SULT4A1: variants seen among roughly 807,000 people sequenced by gnomAD.
SULT4A1 encodes sulfotransferase 4A1.
Under a neutral mutation model 35.2 loss-of-function variants are expected in SULT4A1, and 11 were observed. The ratio of observed to expected loss-of-function variants is 0.31; its 90% CI spans 0.20 to 0.52. The LOEUF is 0.52. Ranked by LOEUF, SULT4A1 falls within the 20% of genes least tolerant of loss-of-function variation. The pLI is 0.97. For synonymous variants in SULT4A1, 152 were observed against 151.8 expected (o/e 1.00, Z -0.01); for missense variants, 271 against 383.7 (o/e 0.71, Z 2.45).
intron 4 of SULT4A1, among the ~76,000 whole-genome samples, chr22:43,835,872 G>A (rs984986138): frequency 2.0e-5 from 3 of 152,228 alleles, no homozygotes; most frequent in African/African-American, 4.8e-5. Context: ...TGAGGAGCAA[G>A]TGCACGGAGT....
chr22:43,832,142 G>T lies in SULT4A1; in HGVS notation c.603+1498C>A, dbSNP rs374076504. Reference sequence around the variant, plus strand: ...TCACAGAGGTCAGCGGCAGGACCAGGGTTCCAACCTGCTTGGGCTACACCT... The same window carrying T: ...TCACAGAGGTCAGCGGCAGGACCAGTGTTCCAACCTGCTTGGGCTACACCT... On this transcript the variant is annotated intron_variant, in intron 5 of 6. Transcript: ENST00000330884. Among the ~76,000 whole-genome samples, 6 of 152,298 alleles carry T rather than the reference G, an allele frequency of 3.9e-5. 1 individual carries two copies. The highest frequency in any genetic ancestry group is 1.4e-4 in the African/African-American group (6 of 41,564).
At chr22:43,841,958 G>T in intron 1 of SULT4A1, 26 bp from the exon 2 acceptor site, 1 of 1,604,158 alleles carries the variant, frequency 6.2e-7, no homozygotes, top group Non-Finnish European at 8.5e-7. Flanking sequence ...CCCAGCGCGG[G>T]GTGCTCAGAG....
At chr22:43,857,689 G>C (rs1242761822) in intron 1 of SULT4A1, among the ~76,000 whole-genome samples, 1 of 152,078 alleles carries the variant, frequency 6.6e-6, no homozygotes, top group Non-Finnish European at 1.5e-5. Context: ...AAACATTGAA[G>C]GCAGCCAGAG....
At chr22:43,838,174 G>A (rs1025905149) in intron 4 of SULT4A1, among the ~76,000 whole-genome samples, 1 of 152,234 alleles carries the variant, frequency 6.6e-6, no homozygotes, top group Non-Finnish European at 1.5e-5. Context: ...AGCGGGGCAA[G>A]AGAGTAAGGA....
chr22:43,846,734 G>C (rs2063479243), intron 1 of SULT4A1, among the ~76,000 whole-genome samples: 1 of 152,262 alleles, frequency 6.6e-6, no homozygotes, highest in Non-Finnish European at 1.5e-5. Flanking sequence ...TATAGAACCA[G>C]GGTGTGGCTG....
chr22:43,840,215 G>C (rs2063414498), intron 2 of SULT4A1, among the ~76,000 whole-genome samples, 190 bp from the exon 3 acceptor site: 2 of 149,824 alleles, frequency 1.3e-5, no homozygotes. Context: ...GGAGGGGTGA[G>C]GCCAGAGGGA....
rs1320435910 is a variant in SULT4A1, at chr22:43,862,457, G to GCGCCCC, written c.-81_-76dup. On this transcript the variant is annotated 5_prime_UTR_variant, in exon 1 of 7. Transcript: ENST00000330884. The stretch of plus-strand genomic sequence containing the variant: ...CGCGCCCGCGCCCGCGCCCGCGCCC[G>GCGCCCC]CGCCCCGCACACGCTCGCGCCCCAC... The GCGCCCC allele has an allele frequency of 1.6e-4, 117 of 747,042 alleles. No homozygotes were observed. Among genetic ancestry groups the GCGCCCC allele is most frequent in the Non-Finnish European group, 1.9e-4 (115 of 620,370 alleles). 46.3% of individuals were successfully genotyped at this position (747,042 alleles called of 1,614,324 possible).
At chr22:43,842,468 T>C (rs1569503926) in intron 1 of SULT4A1, among the ~76,000 whole-genome samples, 1 of 152,164 alleles carries the variant, frequency 6.6e-6, no homozygotes, top group Non-Finnish European at 1.5e-5. Context: ...ATAAAGTCAC[T>C]TGGAAACACA....
chr22:43,839,086 C>G lies in SULT4A1; in HGVS notation c.382-93G>C, dbSNP rs2063402241. 2.0e-6 allele frequency: 3 copies of G among 1,530,852 alleles called. No homozygotes were observed. The South Asian group carries it at 3.5e-5, about 18-fold the overall frequency. The allele number at this position is 1,530,852 out of a possible 1,614,324, so 94.8% of individuals were successfully genotyped here. ...GCCAGCCTCCCTGAACCTGCTGGTGCACCTCACAAACCAACACCTGCTTCC... is the reference window on the plus strand; with the variant it reads ...GCCAGCCTCCCTGAACCTGCTGGTGGACCTCACAAACCAACACCTGCTTCC... On this transcript the variant is annotated intron_variant, in intron 3 of 6. Coordinates refer to ENST00000330884, the MANE Select transcript of SULT4A1 (RefSeq NM_014351.4).
At chr22:43,831,854 G>A (rs1159865525) in intron 5 of SULT4A1, among the ~76,000 whole-genome samples, 1 of 152,250 alleles carries the variant, frequency 6.6e-6, no homozygotes, top group Admixed American at 6.5e-5. Flanking sequence ...AGATGTGACA[G>A]GTAAAAGGCT....
At chr22:43,838,072 A>G (rs918600126) in intron 4 of SULT4A1, among the ~76,000 whole-genome samples, 1 of 152,212 alleles carries the variant, frequency 6.6e-6, no homozygotes, top group African/African-American at 2.4e-5. Flanking sequence ...GACCTCCCAA[A>G]GCCATGGCTG....
intron 1 of SULT4A1, among the ~76,000 whole-genome samples, chr22:43,858,049 CAAAAAAAAAAAAAAAAAAGGA>C (rs1416855062): frequency 1.1e-5 from 1 of 91,766 alleles, no homozygotes; most frequent in Middle Eastern, 8.5e-3. Flanking sequence ...GATCCTGTCT[CAAAAAAAAAAAAAAAAAAGGA>C]AAGAAAGAAA....
intron 1 of SULT4A1, among the ~76,000 whole-genome samples, chr22:43,845,441 C>T (rs2063468343): frequency 6.6e-6 from 1 of 152,220 alleles, no homozygotes; most frequent in African/African-American, 2.4e-5. Context: ...GACAGAGGCT[C>T]AGGCCGGATG....
intron 1 of SULT4A1, among the ~76,000 whole-genome samples, chr22:43,849,914 T>G (rs1187930457): frequency 6.6e-6 from 1 of 152,210 alleles, no homozygotes; most frequent in East Asian, 1.9e-4. Flanking sequence ...CCCCAGGTGC[T>G]GCTGCGGGGC....
At chr22:43,833,876 A>G in intron 4 of SULT4A1, 142 bp from the exon 5 acceptor site, 1 of 713,310 alleles carries the variant, frequency 1.4e-6, no homozygotes, top group Non-Finnish European at 2.3e-6. Context: ...CAAGTCTGGC[A>G]AAGGCCCCCG....
intron 1 of SULT4A1, among the ~76,000 whole-genome samples, chr22:43,855,752 A>G (rs1252425392): frequency 6.6e-6 from 1 of 152,030 alleles, no homozygotes; most frequent in African/African-American, 2.4e-5. Context: ...AGGAGGGACC[A>G]CTAGGGCCAC....
In SULT4A1 at chr22:43,825,032, C is replaced by T. The variant is rs1472403454; in HGVS notation, c.*969G>A. ...GATCCGAGTGAAACAGGGCTACACT[C>T]GCAAAATGGTCCTCCCACGGCTGAG... On this transcript the variant is annotated 3_prime_UTR_variant, in exon 7 of 7. Coordinates refer to ENST00000330884, the MANE Select transcript of SULT4A1 (RefSeq NM_014351.4). 4 of 152,234 alleles carry T rather than the reference C, an allele frequency of 2.6e-5. No individual in the cohort carries two copies. The highest frequency in any genetic ancestry group is 1.9e-4 in the East Asian group (1 of 5,196). 9.4% of individuals were successfully genotyped at this position (152,234 alleles called of 1,614,324 possible). A position where few individuals can be genotyped will look rare whatever the true frequency, so the allele number is the denominator to read the frequency against.
At chr22:43,851,479 G>T (rs1005358453) in intron 1 of SULT4A1, among the ~76,000 whole-genome samples, 1 of 152,174 alleles carries the variant, frequency 6.6e-6, no homozygotes. Flanking sequence ...AGGAGAGACC[G>T]TGGGAGCAGC....
intron 5 of SULT4A1, among the ~76,000 whole-genome samples, chr22:43,832,700 C>T (rs470087): frequency 0.23 from 34,963 of 152,012 alleles, 4,179 homozygotes; most frequent in African/African-American, 0.3. Context: ...AAGGCACAGC[C>T]CCCACCCCAG....
Sources: allele counts gnomAD v4.1 joint callset (sites outside exome capture counted in the v4.1 genomes callset), GRCh38; gene constraint gnomAD v4.1.1; transcripts MANE v1.5; gene names NCBI Gene and HGNC (gene_info 2026-07-23, HGNC 2026-07-21).